Variants in AFF4 observed in about 807,000 individuals in gnomAD.
AFF4 encodes AF4/FMR2 family member 4.
AFF4 carries 13 observed loss-of-function variants against 124.8 expected under a neutral mutation model. The observed-to-expected ratio is 0.10, with a 90% CI of 0.07 to 0.17. The LOEUF is 0.17. Among genes scored for constraint, AFF4 ranks in the 10% least tolerant of loss-of-function variants. The pLI is 1.00. For missense variants in AFF4, 1,092 were observed against 1,403.8 expected, an observed-to-expected ratio of 0.78 and a Z score of 3.55; for synonymous variants, 477 against 496.1, an observed-to-expected ratio of 0.96 and a Z score of 0.51.
At chr5:132,895,543 C>A (rs1760367219) in intron 11 of AFF4, among the ~76,000 whole-genome samples, 1 of 152,208 alleles carries the variant, frequency 6.6e-6, no homozygotes, top group South Asian at 2.1e-4. Context: ...TGGTCTTTCA[C>A]AATCATAGAC....
At position 132,924,136 on chromosome 5, in the gene AFF4, C is replaced by G. The variant is rs575504374; in HGVS notation, c.1050+2985G>C. On this transcript the variant is annotated intron_variant, in intron 5 of 20. Transcript: ENST00000265343. The stretch of plus-strand genomic sequence containing the variant: ...AGGCGTGGTGGTGCATGCCTGTAAT[C>G]CCAGCTACTTAGGAGGCTGAGGCAG... Among the ~76,000 whole-genome samples, 18 of 152,138 alleles carry G rather than the reference C, an allele frequency of 1.2e-4. No individual in the cohort carries two copies. In the South Asian group the frequency reaches 2.9e-3, roughly 25 times the overall value.
At chr5:132,884,974 ACT>A in intron 19 of AFF4, 100 bp downstream of exon 19, 1 of 701,218 alleles carries the variant, frequency 1.4e-6, no homozygotes, top group South Asian at 1.9e-5. Flanking sequence ...AGATGGTTTT[ACT>A]TATTTAAAAA....
chr5:132,898,201 T>C, intron 10 of AFF4, 29 bp downstream of exon 10: 2 of 1,612,936 alleles, frequency 1.2e-6, no homozygotes, highest in Non-Finnish European at 1.7e-6. Flanking sequence ...AGAGGGCCTG[T>C]GGAAGGTACC....
rs201192755 is a variant in AFF4, at chr5:132,893,102, C to T, written c.2324G>A (p.Arg775Gln). The stretch of plus-strand genomic sequence containing the variant: ...TTTGGGTTTCTTGCTCTCACTGGCT[C>T]GGTTATCATCTTCATTCTAGATGAA... ...KRKHKNEDDN[R>Q]ASESKKPKTE... is the part of the protein sequence containing the mutation. The change falls in exon 12 of 21, where the codon CGA (arginine) becomes CAA (glutamine). Residue 775 changes from arginine (R) to glutamine (Q), a missense_variant. This residue lies in a region of AFF4 where 293 missense variants were observed against 280.2 expected (regional missense o/e 1.05). Coordinates refer to ENST00000265343, the MANE Select transcript of AFF4 (RefSeq NM_014423.4). 25 of 1,613,840 alleles carry T rather than the reference C, an allele frequency of 1.5e-5. No homozygotes were observed. The highest frequency in any genetic ancestry group is 1.3e-4 in the South Asian group (12 of 91,082).
intron 1 of AFF4, among the ~76,000 whole-genome samples, chr5:132,947,359 T>G (rs967653904): frequency 1.3e-5 from 2 of 152,190 alleles, no homozygotes; most frequent in Admixed American, 1.3e-4. Flanking sequence ...GCCGAGATTG[T>G]GCCACTCCAC....
chr5:132,924,127 G>A (rs377502021), intron 5 of AFF4, among the ~76,000 whole-genome samples: 3 of 152,066 alleles, frequency 2.0e-5, no homozygotes, highest in Non-Finnish European at 4.4e-5. Flanking sequence ...GGTGGTGCAT[G>A]CCTGTAATCC....
Position 132,886,311 on chromosome 5 carries a change from T to C in AFF4, c.3098A>G (p.Lys1033Arg), listed in dbSNP as rs1478275537. The part of the protein sequence containing the change: ...KYSKTLTEHL[K>R]NSYNNSQAPS... Reference sequence around the variant, plus strand: ...GACCTTGTGCTTTTGCATACTTACCTTCAGGTGCTCTGTCAGTGTCTTTGA... The same window carrying C: ...GACCTTGTGCTTTTGCATACTTACCCTCAGGTGCTCTGTCAGTGTCTTTGA... Residue 1033 changes from lysine (K) to arginine (R), a missense_variant and splice_region_variant, in exon 18 of 21, where the codon AAG becomes AGG. By Grantham distance (26) the Lys-to-Arg change is conservative. Transcript: ENST00000265343. 6.2e-7 allele frequency: 1 copy of C among 1,613,370 alleles called. No individual in the cohort carries two copies. Among genetic ancestry groups the C allele is most frequent in the African/African-American group, 1.3e-5 (1 of 74,924 alleles).
intron 1 of AFF4, among the ~76,000 whole-genome samples, chr5:132,955,917 ATACT>A (rs1385153714): frequency 1.4e-5 from 2 of 147,206 alleles, no homozygotes; most frequent in South Asian, 2.1e-4. Context: ...AATATATACT[ATACT>A]TACTATATTA....
In AFF4 at chr5:132,889,150, A is replaced by G. The variant is rs755195360; in HGVS notation, c.2661T>C (p.Ser887=). The G allele has an allele frequency of 1.9e-5, 31 of 1,613,874 alleles. No homozygotes were observed. The highest frequency in any genetic ancestry group is 2.5e-5 in the Non-Finnish European group (29 of 1,179,844). Residue 887 remains serine, a synonymous_variant, in exon 14 of 21, where the codon TCT becomes TCC. Coordinates refer to ENST00000265343, the MANE Select transcript of AFF4 (RefSeq NM_014423.4). ...GAGTTGGTGCAGATGGAGGACAGTT[A>G]GAGGAGCTACTTGGAGCCTTTTCCT... ...EVKEKAPSSS[S]NCPPSAPTLD... is the part of the protein sequence containing the mutation.
intron 5 of AFF4, among the ~76,000 whole-genome samples, chr5:132,911,671 G>A (rs1760793409): frequency 6.6e-6 from 1 of 151,320 alleles, no homozygotes; most frequent in Non-Finnish European, 1.5e-5. Flanking sequence ...GGGGAGAAGA[G>A]GGTAAAAAAA....
intron 13 of AFF4, 42 bp from the exon 14 acceptor site, chr5:132,889,215 G>A: frequency 1.4e-6 from 2 of 1,387,698 alleles, no homozygotes; most frequent in South Asian, 1.3e-5. Flanking sequence ...ACCGTAAGGA[G>A]ATTAAAAATG....
chr5:132,924,991 A>G (rs1471611582), intron 5 of AFF4, among the ~76,000 whole-genome samples: 2 of 151,954 alleles, frequency 1.3e-5, no homozygotes, highest in Non-Finnish European at 2.9e-5. Context: ...CCTGGCCAAC[A>G]TGGTGAAACC....
chr5:132,941,026 CAAA>C (rs35070481), intron 1 of AFF4, among the ~76,000 whole-genome samples: 3 of 144,340 alleles, frequency 2.1e-5, no homozygotes, highest in Non-Finnish European at 4.6e-5. Flanking sequence ...AACTACATCT[CAAA>C]AAAAAAAAAG....
rs116208060 is a variant in AFF4 at position 132,955,024 on chromosome 5, T to A, written c.-5+8235A>T. Among the ~76,000 whole-genome samples, 432 of 152,030 alleles carry A rather than the reference T, an allele frequency of 2.8e-3. 1 individual carries two copies. Among genetic ancestry groups the A allele is most frequent in the Non-Finnish European group, 4.7e-3 (321 of 67,988 alleles). On this transcript the variant is annotated intron_variant, in intron 1 of 20. Transcript: ENST00000265343. ...TGCTGAATGCAGAGATTGTATTGAG[T>A]GGTGGAAGTGGCTCTCAGCAGGATG... is the stretch of plus-strand genomic sequence containing the variant.
intron 1 of AFF4, among the ~76,000 whole-genome samples, chr5:132,942,285 T>C (rs1761589032): frequency 6.6e-6 from 1 of 152,160 alleles, no homozygotes; most frequent in African/African-American, 2.4e-5. Flanking sequence ...TACTAGGCTC[T>C]TACAAATGTT....
intron 5 of AFF4, among the ~76,000 whole-genome samples, chr5:132,924,418 CAT>C (rs1183050846): frequency 6.6e-6 from 1 of 152,068 alleles, no homozygotes; most frequent in Non-Finnish European, 1.5e-5. Context: ...TCTAGAGTGA[CAT>C]AAAATAGATC....
At chr5:132,899,081 A>G in intron 9 of AFF4, 23 bp downstream of exon 9, 1 of 1,609,562 alleles carries the variant, frequency 6.2e-7, no homozygotes, top group Non-Finnish European at 8.5e-7. Context: ...TACCAATAAA[A>G]CAGAAAAGAA....
intron 5 of AFF4, among the ~76,000 whole-genome samples, chr5:132,905,868 T>G (rs1307287466): frequency 6.6e-6 from 1 of 152,138 alleles, no homozygotes; most frequent in Non-Finnish European, 1.5e-5. Context: ...GAGAAAATAT[T>G]TGCAAATGAT....
intron 4 of AFF4, among the ~76,000 whole-genome samples, chr5:132,931,916 G>A (rs547265524): frequency 2.0e-5 from 3 of 152,076 alleles, no homozygotes; most frequent in South Asian, 4.2e-4. Flanking sequence ...TGCACTCCAG[G>A]CTGGGCGACA....
Sources: allele counts gnomAD v4.1 joint callset (sites outside exome capture counted in the v4.1 genomes callset), GRCh38; gene constraint gnomAD v4.1.1; regional missense constraint gnomAD v4.1.1; transcripts MANE v1.5; gene names NCBI Gene and HGNC (gene_info 2026-07-23, HGNC 2026-07-21).